The following RIMS1 variants were observed in gnomAD, a reference collection of about 807,000 sequenced individuals.
RIMS1 encodes regulating synaptic membrane exocytosis protein 1.
In RIMS1, 83 loss-of-function variants were observed where a neutral mutation model predicts 214.1. The ratio of observed to expected loss-of-function variants is 0.39; its 90% CI spans 0.32 to 0.47. The LOEUF is 0.47. Ranked by LOEUF, RIMS1 falls within the 20% of genes least tolerant of loss-of-function variation. The pLI, the probability that RIMS1 is intolerant of heterozygous loss-of-function variation, is 0.99. For synonymous variants in RIMS1, 793 were observed against 786.8 expected (o/e 1.01, Z -0.13); for missense variants, 2,050 against 2,161.8 (o/e 0.95, Z 1.03).
At chr6:71,972,728 A>G (rs1304493199) in intron 2 of RIMS1, among the ~76,000 whole-genome samples, 1 of 152,168 alleles carries the variant, frequency 6.6e-6, no homozygotes, top group Non-Finnish European at 1.5e-5. Context: ...TATATAAATG[A>G]GATAGAATCT....
chr6:72,149,673 G>A (rs1349151000), intron 4 of RIMS1, among the ~76,000 whole-genome samples: 1 of 152,146 alleles, frequency 6.6e-6, no homozygotes, highest in Non-Finnish European at 1.5e-5. Context: ...AAAAAGTGAA[G>A]AATTATATGC....
intron 29 of RIMS1, among the ~76,000 whole-genome samples, chr6:72,338,457 A>G (rs989484340): frequency 2.0e-5 from 3 of 152,094 alleles, no homozygotes; most frequent in African/African-American, 7.2e-5. Flanking sequence ...ACAAAAGCCA[A>G]AATTGACAAA....
At chr6:72,106,723 A>C (rs1308346371) in intron 4 of RIMS1, among the ~76,000 whole-genome samples, 1 of 152,160 alleles carries the variant, frequency 6.6e-6, no homozygotes, top group African/African-American at 2.4e-5. Context: ...TACTTTGTTA[A>C]ATTACGTGTC....
chr6:72,037,602 A>C (rs1025760885), intron 2 of RIMS1, among the ~76,000 whole-genome samples: 1 of 152,122 alleles, frequency 6.6e-6, no homozygotes, highest in East Asian at 1.9e-4. Flanking sequence ...GTTTGGACAT[A>C]TGTGTAGACC....
intron 6 of RIMS1, among the ~76,000 whole-genome samples, chr6:72,197,136 G>A (rs2051129630): frequency 6.6e-6 from 1 of 151,974 alleles, no homozygotes; most frequent in African/African-American, 2.4e-5. Flanking sequence ...TCCTAAAGTT[G>A]AGCTTCACAC....
At chr6:72,183,834 T>C (rs2153971943) in intron 6 of RIMS1, among the ~76,000 whole-genome samples, 1 of 151,634 alleles carries the variant, frequency 6.6e-6, no homozygotes, top group African/African-American at 2.4e-5. Context: ...ACTAGTCTGT[T>C]TTATCATTTG....
chr6:71,956,093 A>T (rs188845596), intron 1 of RIMS1, among the ~76,000 whole-genome samples: 167 of 151,332 alleles, frequency 1.1e-3, no homozygotes, highest in African/African-American at 3.6e-3. Flanking sequence ...TTGCCTAAAA[A>T]ATATATATAT....
intron 29 of RIMS1, among the ~76,000 whole-genome samples, chr6:72,353,193 C>G (rs1014937819): frequency 2.0e-5 from 3 of 151,914 alleles, no homozygotes; most frequent in Admixed American, 2.0e-4. Context: ...CCATGTTGGT[C>G]AGGCTGGTCT....
In RIMS1 at chr6:72,179,863, C is replaced by T; in HGVS notation, c.760C>T (p.Pro254Ser). Residue 254 changes from proline (P) to serine (S), a missense_variant, in exon 5 of 34, where the codon CCT (proline) becomes TCT (serine). This residue lies in a region of RIMS1 where 882 missense variants were observed against 828.9 expected (regional missense o/e 1.06). Transcript: ENST00000521978. ...GAEPSQQALGPEQKQASSRSR... is the reference protein window; with the variant it reads ...GAEPSQQALGSEQKQASSRSR... ...TGAGCCCTCGCAGCAAGCCTTGGGG[C>T]CTGAACAGAAGCAGGCTTCATCCAG... 6.3e-7 allele frequency: 1 copy of T among 1,594,306 alleles called. No individual in the cohort carries two copies. Among genetic ancestry groups the T allele is most frequent in the Non-Finnish European group, 8.5e-7 (1 of 1,169,900 alleles).
intron 2 of RIMS1, among the ~76,000 whole-genome samples, chr6:72,047,978 A>G (rs572515339): frequency 1.3e-5 from 2 of 152,340 alleles, no homozygotes; most frequent in Admixed American, 1.3e-4. Context: ...TAGCAAAACA[A>G]CTTATACATT....
intron 1 of RIMS1, among the ~76,000 whole-genome samples, chr6:71,935,410 A>G (rs1004326484): frequency 6.6e-6 from 1 of 152,214 alleles, no homozygotes; most frequent in Admixed American, 6.5e-5. Context: ...CTGATGCCAT[A>G]TATTTTCACA....
chr6:72,109,322 G>A (rs1430445397), intron 4 of RIMS1, among the ~76,000 whole-genome samples: 1 of 151,194 alleles, frequency 6.6e-6, no homozygotes, highest in African/African-American at 2.4e-5. Context: ...CACCAACGGT[G>A]TAAAAGTGTT....
chr6:71,900,523 G>A (rs1368171119), intron 1 of RIMS1, among the ~76,000 whole-genome samples: 2 of 152,082 alleles, frequency 1.3e-5, no homozygotes, highest in African/African-American at 4.8e-5. Context: ...CAGCTGGGAG[G>A]CTACTGTAGA....
chr6:72,263,642 A>C (rs1344160764), intron 19 of RIMS1: 3 of 980,224 alleles, frequency 3.1e-6, no homozygotes, highest in Non-Finnish European at 3.6e-6. Context: ...TTAGGAGTTG[A>C]AAAGAAGAGT....
intron 1 of RIMS1, among the ~76,000 whole-genome samples, chr6:71,946,613 C>T (rs1787881203): frequency 6.6e-6 from 1 of 152,108 alleles, no homozygotes; most frequent in South Asian, 2.1e-4. Flanking sequence ...TCATTTCACA[C>T]CATATACAAA....
chr6:71,997,771 T>C (rs1279875059), intron 2 of RIMS1, among the ~76,000 whole-genome samples: 7 of 152,146 alleles, frequency 4.6e-5, no homozygotes, highest in African/African-American at 1.7e-4. Context: ...TTTTAGAATC[T>C]CAGAGTTTTT....
At chr6:71,895,247 A>T (rs1771313766) in intron 1 of RIMS1, among the ~76,000 whole-genome samples, 1 of 152,238 alleles carries the variant, frequency 6.6e-6, no homozygotes, top group Non-Finnish European at 1.5e-5. Context: ...TACTTAAAGC[A>T]GTATTGCTTA....
At chr6:71,939,296 C>G (rs994898690) in intron 1 of RIMS1, among the ~76,000 whole-genome samples, 3 of 152,130 alleles carry the variant, frequency 2.0e-5, no homozygotes, top group South Asian at 2.1e-4. Context: ...TTTCCTACAG[C>G]TCTCCTCTCC....
At chr6:72,140,505 A>T (rs2041955976) in intron 4 of RIMS1, among the ~76,000 whole-genome samples, 1 of 152,106 alleles carries the variant, frequency 6.6e-6, no homozygotes, top group Non-Finnish European at 1.5e-5. Flanking sequence ...GTCATACAGT[A>T]TGACAGATAA....
Sources: allele counts gnomAD v4.1 joint callset (sites outside exome capture counted in the v4.1 genomes callset), GRCh38; gene constraint gnomAD v4.1.1; regional missense constraint gnomAD v4.1.1; transcripts MANE v1.5; gene names NCBI Gene and HGNC (gene_info 2026-07-23, HGNC 2026-07-21).